MS4A4E: variants seen among roughly 807,000 people sequenced by gnomAD.
MS4A4E encodes the protein membrane spanning 4-domains A4E.
In MS4A4E, 23 loss-of-function variants were observed where a neutral mutation model predicts 13.3. That is an observed-to-expected ratio of 1.73 (90% CI 1.25 to 2.45). The LOEUF (loss-of-function observed/expected upper bound fraction) is 2.45. MS4A4E is among the 30% of genes most tolerant of loss of function. The pLI is 0.00. For synonymous variants in MS4A4E, 36 were observed against 45.6 expected (o/e 0.79, Z 0.85); for missense variants, 144 against 131.2 (o/e 1.10, Z -0.48).
chr11:60,223,099 T>C (rs1039733829), intron 3 of MS4A4E, among the ~76,000 whole-genome samples: 1 of 151,760 alleles, frequency 6.6e-6, no homozygotes, highest in Admixed American at 6.6e-5. Flanking sequence ...GCAAAGGGAA[T>C]ACAGAATCGG....
At chr11:60,210,889 G>A (rs973954378) in intron 5 of MS4A4E, among the ~76,000 whole-genome samples, 6 of 152,220 alleles carry the variant, frequency 3.9e-5, no homozygotes, top group Non-Finnish European at 8.8e-5. Flanking sequence ...TCTGGGAAAG[G>A]TGATTGAGAT....
At chr11:60,213,409 T>C in intron 4 of MS4A4E, 6 of 1,037,390 alleles carry the variant, frequency 5.8e-6, no homozygotes, top group Admixed American at 4.4e-5. Context: ...TGGACAGTCA[T>C]GTCTGTGTCC....
chr11:60,234,970 C>T (rs2084465044), intron 1 of MS4A4E, among the ~76,000 whole-genome samples: 1 of 151,942 alleles, frequency 6.6e-6, no homozygotes, highest in African/African-American at 2.4e-5. Flanking sequence ...TGAAATACTC[C>T]ATGCAAATAG....
chr11:60,223,491 G>A (rs1019383015), intron 3 of MS4A4E, among the ~76,000 whole-genome samples: 6 of 152,064 alleles, frequency 3.9e-5, no homozygotes, highest in African/African-American at 1.4e-4. Flanking sequence ...GTTGACAAGG[G>A]GTGGACTCTT....
chr11:60,234,783 C>CA (rs1158336199), intron 1 of MS4A4E, among the ~76,000 whole-genome samples: 6 of 120,420 alleles, frequency 5.0e-5, no homozygotes, highest in Non-Finnish European at 9.1e-5. Flanking sequence ...AACAACCCCC[C>CA]CCCCCAAAAT....
intron 6 of MS4A4E, 112 bp downstream of exon 6, chr11:60,208,481 G>T: frequency 3.0e-6 from 1 of 327,978 alleles, no homozygotes; most frequent in East Asian, 4.7e-5. Flanking sequence ...CTTGATCCAT[G>T]GAAACTGAAA....
At chr11:60,207,424 G>A (rs973915579) in intron 6 of MS4A4E, among the ~76,000 whole-genome samples, 2 of 152,170 alleles carry the variant, frequency 1.3e-5, no homozygotes, top group Non-Finnish European at 2.9e-5. Flanking sequence ...GGTAATTGCT[G>A]AGAATCTCTC....
chr11:60,219,163 G>T (rs1451303423), intron 3 of MS4A4E, among the ~76,000 whole-genome samples: 2 of 152,170 alleles, frequency 1.3e-5, no homozygotes, highest in Non-Finnish European at 2.9e-5. Context: ...CCCTTGACCA[G>T]TACTTTGTGA....
At position 60,205,553 on chromosome 11, in the gene MS4A4E, G is replaced by A. The variant is rs142927494; in HGVS notation, c.590+161C>T. Among the ~76,000 whole-genome samples, 238 of 152,222 alleles carry A rather than the reference G, an allele frequency of 1.6e-3. 1 individual carries two copies. The highest frequency in any genetic ancestry group is 1.6e-3 in the Non-Finnish European group (106 of 68,016). On this transcript the variant is annotated intron_variant, in intron 7 of 8. Coordinates refer to ENST00000651255, the MANE Select transcript of MS4A4E (RefSeq NM_001393391.1). Reference sequence around the variant, plus strand: ...TTATTATACCAAGAAATTATCATAGGTCTATGGGCCAGACAATATTATTAC... The same window carrying A: ...TTATTATACCAAGAAATTATCATAGATCTATGGGCCAGACAATATTATTAC...
chr11:60,217,191 C>T (rs1197747514), intron 3 of MS4A4E, among the ~76,000 whole-genome samples: 1 of 152,148 alleles, frequency 6.6e-6, no homozygotes, highest in African/African-American at 2.4e-5. Context: ...AGAGTCTTAT[C>T]TTCTGTAGAG....
chr11:60,205,863 ACCATATGTTGCAC>A (rs1489528944), intron 6 of MS4A4E, among the ~76,000 whole-genome samples, 43 bp from the exon 7 acceptor site: 26 of 152,370 alleles, frequency 1.7e-4, no homozygotes, highest in African/African-American at 6.3e-4. Context: ...ATTAACAAAT[ACCATATGTTGCAC>A]ATTTCCATAT....
chr11:60,223,220 G>A (rs970070050), intron 3 of MS4A4E, among the ~76,000 whole-genome samples: 3 of 152,164 alleles, frequency 2.0e-5, no homozygotes, highest in African/African-American at 7.2e-5. Context: ...GAACATGTTT[G>A]TGCATGTATA....
At position 60,237,864 on chromosome 11, in the gene MS4A4E, G is replaced by A. The variant is rs558062918; in HGVS notation, c.-17+5094C>T. On this transcript the variant is annotated intron_variant, in intron 1 of 8. Coordinates refer to ENST00000651255, the MANE Select transcript of MS4A4E (RefSeq NM_001393391.1). ...GTAGGGGAGTGATTCCATTCTATTCGTCATTGGATGAGTATTTTTATCATA... is the reference window on the plus strand; with the variant it reads ...GTAGGGGAGTGATTCCATTCTATTCATCATTGGATGAGTATTTTTATCATA... 5.9e-5 allele frequency among the ~76,000 whole-genome samples: 9 copies of A among 151,916 alleles called. No homozygotes were observed. In the South Asian group the frequency reaches 6.2e-4, roughly 11 times the overall value.
intron 3 of MS4A4E, among the ~76,000 whole-genome samples, chr11:60,220,417 T>C (rs1255529442): frequency 1.3e-5 from 2 of 152,206 alleles, no homozygotes; most frequent in East Asian, 3.9e-4. Flanking sequence ...CCAGAAGCAA[T>C]TTACCTTCAG....
intron 1 of MS4A4E, among the ~76,000 whole-genome samples, chr11:60,240,494 T>A (rs2084535440): frequency 6.6e-6 from 1 of 152,146 alleles, no homozygotes; most frequent in East Asian, 1.9e-4. Context: ...TGTGTCACCC[T>A]CCCCTTTAAA....
intron 1 of MS4A4E, among the ~76,000 whole-genome samples, chr11:60,235,222 A>G (rs1322797641): frequency 6.6e-6 from 1 of 152,186 alleles, no homozygotes; most frequent in Admixed American, 6.5e-5. Context: ...CCTCCAAAGT[A>G]GCTGGGATTA....
chr11:60,228,830 C>A (rs1015601726), intron 2 of MS4A4E, among the ~76,000 whole-genome samples: 1 of 152,166 alleles, frequency 6.6e-6, no homozygotes, highest in Admixed American at 6.5e-5. Flanking sequence ...TGAAGGAAGG[C>A]AGTCTTTAAA....
intron 5 of MS4A4E, among the ~76,000 whole-genome samples, chr11:60,211,061 G>A (rs1460182295): frequency 6.6e-6 from 1 of 152,190 alleles, no homozygotes; most frequent in African/African-American, 2.4e-5. Context: ...TCAGCCCTAT[G>A]AACCTGGCCA....
intron 3 of MS4A4E, among the ~76,000 whole-genome samples, chr11:60,220,981 A>G (rs1449248084): frequency 2.0e-5 from 3 of 152,212 alleles, no homozygotes; most frequent in Non-Finnish European, 1.5e-5. Flanking sequence ...GGGCCATAGA[A>G]CAGAGCAGAT....
Sources: gnomAD v4.1 joint callset for allele counts (sites outside exome capture counted in the v4.1 genomes callset) on GRCh38, gnomAD v4.1.1 for gene constraint, MANE v1.5 for transcripts, NCBI Gene and HGNC (gene_info 2026-07-23, HGNC 2026-07-21) for gene names.